ZNF277: variants seen among roughly 807,000 people sequenced by gnomAD.
ZNF277 encodes the protein zinc finger protein 277, also known as nuclear receptor-interacting factor 4.
In ZNF277, 55 loss-of-function variants were observed where a neutral mutation model predicts 60.7. That is an observed-to-expected ratio of 0.91 (90% CI 0.73 to 1.13). ZNF277 has a LOEUF of 1.13. Ranked by LOEUF, ZNF277 falls within the 50% of genes most tolerant of loss-of-function variation. The pLI, the probability that ZNF277 is intolerant of heterozygous loss-of-function variation, is 0.00. For missense variants in ZNF277, 510 were observed against 523.0 expected, an observed-to-expected ratio of 0.98 and a Z score of 0.24; for synonymous variants, 178 against 179.3, an observed-to-expected ratio of 0.99 and a Z score of 0.06.
At chr7:112,219,912 C>T (rs990086619) in intron 1 of ZNF277, among the ~76,000 whole-genome samples, 5 of 152,230 alleles carry the variant, frequency 3.3e-5, no homozygotes, top group African/African-American at 4.8e-5. Context: ...GTTGAGATTA[C>T]AGGTGTAACC....
rs576143009 is a variant in ZNF277 at position 112,227,694 on chromosome 7, CATT to C, written c.91+20890_91+20892del. Among the ~76,000 whole-genome samples, 23 of 152,226 alleles carry C rather than the reference CATT, an allele frequency of 1.5e-4. No individual in the cohort carries two copies. In the East Asian group the frequency reaches 4.4e-3, roughly 29 times the overall value. ...TATATTTTGTAAATATTGTAACCCT[CATT>C]ATAAATATATATAATTTCTCTTGTA... On this transcript the variant is annotated intron_variant, in intron 1 of 11. Coordinates refer to ENST00000361822, the MANE Select transcript of ZNF277 (RefSeq NM_021994.3).
chr7:112,305,134 G>A (rs1308418579), intron 4 of ZNF277, among the ~76,000 whole-genome samples: 2 of 152,108 alleles, frequency 1.3e-5, no homozygotes, highest in Non-Finnish European at 2.9e-5. Flanking sequence ...GCTCATGCCT[G>A]TAATCCCAGC....
chr7:112,291,250 G>A (rs966985407), intron 2 of ZNF277, among the ~76,000 whole-genome samples: 1 of 151,956 alleles, frequency 6.6e-6, no homozygotes, highest in African/African-American at 2.4e-5. Flanking sequence ...CACATTCACT[G>A]CTACTTAATT....
intron 1 of ZNF277, among the ~76,000 whole-genome samples, chr7:112,209,986 C>T (rs992376829): frequency 4.6e-5 from 7 of 151,896 alleles, no homozygotes; most frequent in South Asian, 2.1e-4. Context: ...ATCACATACC[C>T]GGGCCTGTCG....
chr7:112,341,714 G>C (rs1450583091), intron 11 of ZNF277, among the ~76,000 whole-genome samples: 1 of 152,170 alleles, frequency 6.6e-6, no homozygotes, highest in Non-Finnish European at 1.5e-5. Context: ...TTCTGGACTG[G>C]TTCTCACATC....
At chr7:112,226,504 G>T (rs1013689874) in intron 1 of ZNF277, among the ~76,000 whole-genome samples, 6 of 152,106 alleles carry the variant, frequency 3.9e-5, no homozygotes, top group Admixed American at 2.6e-4. Context: ...CTAGTTTAGT[G>T]TTCCTTTGAT....
At chr7:112,280,643 T>G (rs988672780) in intron 1 of ZNF277, among the ~76,000 whole-genome samples, 2 of 152,016 alleles carry the variant, frequency 1.3e-5, no homozygotes, top group African/African-American at 4.8e-5. Context: ...TTTTTTTTTT[T>G]GAGACCAAGT....
At chr7:112,209,914 A>G (rs1821691889) in intron 1 of ZNF277, among the ~76,000 whole-genome samples, 1 of 152,066 alleles carries the variant, frequency 6.6e-6, no homozygotes, top group Non-Finnish European at 1.5e-5. Context: ...ACCAAACACC[A>G]CATGTTCTCA....
chr7:112,323,256 C>T (rs527276501), intron 5 of ZNF277, among the ~76,000 whole-genome samples: 146 of 152,292 alleles, frequency 9.6e-4, no homozygotes, highest in Non-Finnish European at 1.9e-3. Context: ...TTTCAGAGTC[C>T]TCTGTAGACA....
intron 4 of ZNF277, among the ~76,000 whole-genome samples, chr7:112,306,934 C>A (rs140054776): frequency 2.2e-4 from 33 of 152,152 alleles, no homozygotes; most frequent in African/African-American, 7.0e-4. Context: ...AACACTAATA[C>A]ACACTCAGAT....
At chr7:112,296,040 CT>C in intron 3 of ZNF277, 83 bp downstream of exon 3, 1 of 1,169,610 alleles carries the variant, frequency 8.5e-7, no homozygotes, top group Non-Finnish European at 1.3e-6. Context: ...ATTAGAATTA[CT>C]TTTACTTTCA....
intron 8 of ZNF277, among the ~76,000 whole-genome samples, chr7:112,336,837 C>T (rs1374109040): frequency 6.6e-6 from 1 of 152,116 alleles, no homozygotes; most frequent in Non-Finnish European, 1.5e-5. Flanking sequence ...CCCATTAAGA[C>T]ATACTAGTTG....
chr7:112,313,386 C>T (rs764988796), intron 4 of ZNF277, among the ~76,000 whole-genome samples: 5 of 151,668 alleles, frequency 3.3e-5, no homozygotes, highest in South Asian at 2.1e-4. Flanking sequence ...CTCAAGCGAT[C>T]GTCCCACCTC....
chr7:112,228,177 T>A (rs1250001451), intron 1 of ZNF277, among the ~76,000 whole-genome samples: 2 of 152,046 alleles, frequency 1.3e-5, no homozygotes, highest in Admixed American at 1.3e-4. Flanking sequence ...CCTGCATCTC[T>A]TTGTCTTCCC....
chr7:112,244,181 A>G (rs529153760), intron 1 of ZNF277, among the ~76,000 whole-genome samples: 69 of 152,288 alleles, frequency 4.5e-4, no homozygotes, highest in African/African-American at 1.6e-3. Flanking sequence ...CCTAATGGGT[A>G]CAATGTACAC....
chr7:112,286,040 C>T (rs1038389681), intron 1 of ZNF277, among the ~76,000 whole-genome samples: 39 of 152,144 alleles, frequency 2.6e-4, no homozygotes, highest in African/African-American at 8.0e-4. Flanking sequence ...CAGGTGTAGA[C>T]GTCCACTCTG....
intron 7 of ZNF277, among the ~76,000 whole-genome samples, chr7:112,332,543 A>G (rs189568816): frequency 3.8e-4 from 58 of 152,248 alleles, no homozygotes; most frequent in African/African-American, 1.4e-3. Flanking sequence ...ACCCTTGCCT[A>G]TTCTCTTTTA....
chr7:112,272,297 G>A (rs1037552063), intron 1 of ZNF277, among the ~76,000 whole-genome samples: 1 of 152,180 alleles, frequency 6.6e-6, no homozygotes, highest in Non-Finnish European at 1.5e-5. Flanking sequence ...GTACTCTACT[G>A]TGTATACCAC....
intron 5 of ZNF277, among the ~76,000 whole-genome samples, chr7:112,323,927 G>A (rs1266944114): frequency 6.6e-6 from 1 of 152,132 alleles, no homozygotes; most frequent in African/African-American, 2.4e-5. Context: ...GCACTATGTA[G>A]GGAAATATTT....
Sources: allele counts gnomAD v4.1 joint callset (sites outside exome capture counted in the v4.1 genomes callset), GRCh38; gene constraint gnomAD v4.1.1; transcripts MANE v1.5; gene names NCBI Gene and HGNC (gene_info 2026-07-23, HGNC 2026-07-21).